The following ABCB5 variants were observed in gnomAD, a reference collection of about 807,000 sequenced individuals.
ABCB5 encodes ATP-binding cassette sub-family B member 5.
Under a neutral mutation model 144.2 loss-of-function variants are expected in ABCB5, and 155 were observed. That is an observed-to-expected ratio of 1.08 (90% CI 0.94 to 1.23). ABCB5 has a LOEUF of 1.23. Ranked by LOEUF, ABCB5 falls within the 50% of genes most tolerant of loss-of-function variation. The pLI, the probability that ABCB5 is intolerant of heterozygous loss-of-function variation, is 0.00. For missense variants in ABCB5, 1,830 were observed against 1,520.8 expected (o/e 1.20, Z -3.38); for synonymous variants, 610 against 528.6 (o/e 1.15, Z -2.11).
intron 14 of ABCB5, chr7:20,659,306 C>T: frequency 3.5e-6 from 5 of 1,426,608 alleles, no homozygotes; most frequent in Non-Finnish European, 4.6e-6. Context: ...TCTCGATGGC[C>T]TGACTCCCTT....
intron 23 of ABCB5, among the ~76,000 whole-genome samples, chr7:20,733,016 T>C (rs1782272414): frequency 6.6e-6 from 1 of 152,192 alleles, no homozygotes. Context: ...ATCTGTTTAA[T>C]GCTCTAAACT....
chr7:20,623,346 C>T lies in ABCB5; in HGVS notation c.53+8C>T, dbSNP rs2128016728. The T allele has an allele frequency of 1.3e-6, 2 of 1,545,862 alleles. No individual in the cohort carries two copies. Among genetic ancestry groups the T allele is most frequent in the Non-Finnish European group, 1.8e-6 (2 of 1,141,274 alleles). ...AAATTATCAGAGAAATGGGTAAGCTCTCACTAAGTTCTGTAAGTATGCTTC... is the reference window on the plus strand; with the variant it reads ...AAATTATCAGAGAAATGGGTAAGCTTTCACTAAGTTCTGTAAGTATGCTTC... On this transcript the variant is annotated splice_region_variant and intron_variant, in intron 2 of 27. Coordinates refer to ENST00000404938, the MANE Select transcript of ABCB5 (RefSeq NM_001163941.2).
At chr7:20,668,573 C>T (rs1400927621) in intron 14 of ABCB5, among the ~76,000 whole-genome samples, 3 of 151,052 alleles carry the variant, frequency 2.0e-5, no homozygotes, top group South Asian at 4.2e-4. Flanking sequence ...CGGCAGCCAC[C>T]CCGTCCGGGA....
In ABCB5 at chr7:20,631,649, A is replaced by G. The variant is rs542053830; in HGVS notation, c.260-410A>G. ...CATTTTTCCCATGGCTAATTCTTCT[A>G]GAACTTTCACACATGTTCTTGCTTT... On this transcript the variant is annotated intron_variant, in intron 4 of 27. Coordinates refer to ENST00000404938, the MANE Select transcript of ABCB5 (RefSeq NM_001163941.2). Among the ~76,000 whole-genome samples the G allele has an allele frequency of 5.3e-5, 8 of 152,294 alleles. No individual in the cohort carries two copies. The South Asian group carries it at 1.0e-3, about 20-fold the overall frequency.
intron 23 of ABCB5, among the ~76,000 whole-genome samples, chr7:20,736,956 G>T (rs148604297): frequency 3.3e-5 from 5 of 152,238 alleles, no homozygotes; most frequent in African/African-American, 1.2e-4. Context: ...TTGGGAGGCC[G>T]AGGCAGGCGG....
intron 3 of ABCB5, among the ~76,000 whole-genome samples, chr7:20,627,244 A>G (rs375087900): frequency 1.3e-5 from 2 of 152,124 alleles, no homozygotes; most frequent in Admixed American, 1.3e-4. Flanking sequence ...TCAAAAGTCA[A>G]TTTAAAAAAA....
At chr7:20,632,142 A>G (rs1489817251) in intron 5 of ABCB5, 29 bp downstream of exon 5, 16 of 1,411,236 alleles carry the variant, frequency 1.1e-5, no homozygotes, top group African/African-American at 1.5e-5. Flanking sequence ...TTAATATCAC[A>G]TTCGTTGAAT....
chr7:20,697,643 G>C (rs2024046), intron 16 of ABCB5, among the ~76,000 whole-genome samples: 101,332 of 152,120 alleles, frequency 0.67, 34,093 homozygotes, highest in East Asian at 0.85. Flanking sequence ...CTTGCATTGT[G>C]CTTTCTCTGT....
intron 1 of ABCB5, among the ~76,000 whole-genome samples, chr7:20,616,929 G>A (rs1783698958): frequency 6.6e-6 from 1 of 152,118 alleles, no homozygotes; most frequent in South Asian, 2.1e-4. Flanking sequence ...TATTCCTTCT[G>A]CCTGGGATAG....
chr7:20,722,736 C>T (rs575459622), intron 20 of ABCB5, among the ~76,000 whole-genome samples: 102 of 152,050 alleles, frequency 6.7e-4, no homozygotes, highest in Non-Finnish European at 1.1e-3. Flanking sequence ...GCAAGAGAAT[C>T]GCTTGAACCC....
chr7:20,713,117 A>C (rs1240066895), intron 20 of ABCB5, among the ~76,000 whole-genome samples: 1 of 149,658 alleles, frequency 6.7e-6, no homozygotes, highest in African/African-American at 2.5e-5. Flanking sequence ...GCTTTTTTAG[A>C]TTCTACATAT....
At chr7:20,675,941 A>C (rs2128037261) in intron 14 of ABCB5, among the ~76,000 whole-genome samples, 1 of 152,254 alleles carries the variant, frequency 6.6e-6, no homozygotes, top group South Asian at 2.1e-4. Flanking sequence ...ACTAGTTATC[A>C]GGGAAATGTA....
chr7:20,709,861 A>G (rs1583441098), intron 20 of ABCB5, among the ~76,000 whole-genome samples: 1 of 147,824 alleles, frequency 6.8e-6, no homozygotes, highest in South Asian at 2.2e-4. Flanking sequence ...TGGGCGGATC[A>G]CCTGAGGTGT....
chr7:20,728,442 G>C lies in ABCB5; in HGVS notation c.2854G>C (p.Glu952Gln). 6.2e-7 allele frequency: 1 copy of C among 1,614,124 alleles called. No individual in the cohort carries two copies. The highest frequency in any genetic ancestry group is 8.5e-7 in the Non-Finnish European group (1 of 1,179,990). Residue 952 changes from glutamate (E) to glutamine (Q), a missense_variant, in exon 23 of 28, where the codon GAG becomes CAG. Physicochemically the swap from Glu to Gln is conservative, Grantham distance 29 (BLOSUM62 2). Coordinates refer to ENST00000404938, the MANE Select transcript of ABCB5 (RefSeq NM_001163941.2). The part of the protein sequence containing the change: ...YLIQAGRMTP[E>Q]GMFIVFTAIA... Reference sequence around the variant, plus strand: ...AATTCAAGCTGGACGAATGACCCCAGAGGGCATGTTCATGTAAGTCGTGGA... The same window carrying C: ...AATTCAAGCTGGACGAATGACCCCACAGGGCATGTTCATGTAAGTCGTGGA...
chr7:20,702,828 ATTTTT>A, intron 19 of ABCB5, among the ~76,000 whole-genome samples: 1 of 114,102 alleles, frequency 8.8e-6, no homozygotes, highest in African/African-American at 3.3e-5. Flanking sequence ...CGCCTGGCTA[ATTTTT>A]TTTTTTTTTT....
At chr7:20,697,821 C>T (rs185053071) in intron 16 of ABCB5, among the ~76,000 whole-genome samples, 275 of 152,242 alleles carry the variant, frequency 1.8e-3, no homozygotes, top group Non-Finnish European at 3.1e-3. Context: ...GGAACTGATA[C>T]CACTCCCCTT....
chr7:20,744,797 T>C (rs1266759564), intron 25 of ABCB5, among the ~76,000 whole-genome samples: 1 of 151,888 alleles, frequency 6.6e-6, no homozygotes, highest in Middle Eastern at 3.2e-3. Flanking sequence ...ATATATAAGC[T>C]ACAAAAGGGA....
intron 11 of ABCB5, among the ~76,000 whole-genome samples, chr7:20,648,541 G>A (rs568174157): frequency 2.2e-4 from 33 of 152,130 alleles, no homozygotes; most frequent in Admixed American, 1.6e-3. Context: ...CACACACGCA[G>A]TTTATCGTAC....
chr7:20,658,992 A>G, intron 14 of ABCB5: 1 of 1,533,202 alleles, frequency 6.5e-7, no homozygotes, highest in Non-Finnish European at 9.0e-7. Context: ...CATCACTATT[A>G]TAACCATGCC....
Sources: gnomAD v4.1 joint callset for allele counts (sites outside exome capture counted in the v4.1 genomes callset) on GRCh38, gnomAD v4.1.1 for gene constraint, MANE v1.5 for transcripts, NCBI Gene and HGNC (gene_info 2026-07-23, HGNC 2026-07-21) for gene names.